TOP6BL: variants seen among roughly 807,000 people sequenced by gnomAD.
TOP6BL encodes type 2 DNA topoisomerase 6 subunit B-like.
chr11:66,794,170 A>G, the TOP6BL span, among the ~76,000 whole-genome samples: 2 of 149,748 alleles, frequency 1.3e-5, no homozygotes, highest in South Asian at 2.1e-4. Flanking sequence ...TTATCCTTCT[A>G]TATTTGCATG....
the TOP6BL span, chr11:66,838,274 G>T: frequency 9.6e-7 from 1 of 1,046,800 alleles, no homozygotes. Flanking sequence ...AGATAACCTT[G>T]TGAGGTCAGT....
At chr11:66,769,104 C>T in the TOP6BL span, among the ~76,000 whole-genome samples, 1 of 152,102 alleles carries the variant, frequency 6.6e-6, no homozygotes, top group South Asian at 2.1e-4. Context: ...GAGTTGTCTC[C>T]CTATAGTGGT....
chr11:66,772,223 A>G, the TOP6BL span, among the ~76,000 whole-genome samples: 4 of 152,200 alleles, frequency 2.6e-5, no homozygotes, highest in African/African-American at 9.7e-5. Flanking sequence ...GTTTCTTGCT[A>G]GTATTTGAAA....
the TOP6BL span, among the ~76,000 whole-genome samples, chr11:66,805,956 T>TA: frequency 2.0e-5 from 3 of 152,258 alleles, no homozygotes; most frequent in African/African-American, 4.8e-5. Flanking sequence ...TTCAGCAAGA[T>TA]AAAAAAACAT....
chr11:66,747,689 GC>G, the TOP6BL span, among the ~76,000 whole-genome samples: 1 of 152,072 alleles, frequency 6.6e-6, no homozygotes, highest in African/African-American at 2.4e-5. Flanking sequence ...CCTGATCAGG[GC>G]TCACTTCAGC....
the TOP6BL span, among the ~76,000 whole-genome samples, chr11:66,830,826 A>G: frequency 6.6e-6 from 1 of 152,234 alleles, no homozygotes; most frequent in Non-Finnish European, 1.5e-5. Flanking sequence ...AAGTACCCCT[A>G]TATACCTGAT....
the TOP6BL span, chr11:66,843,097 G>A: frequency 6.3e-7 from 1 of 1,591,814 alleles, no homozygotes; most frequent in Non-Finnish European, 8.5e-7. Flanking sequence ...GCGCAGGGAA[G>A]GGCTCAGCAG....
At chr11:66,838,683 T>C in the TOP6BL span, among the ~76,000 whole-genome samples, 1 of 152,076 alleles carries the variant, frequency 6.6e-6, no homozygotes, top group Admixed American at 6.5e-5. Context: ...TAGCTGCACA[T>C]GATGGGGTGG....
the TOP6BL span, among the ~76,000 whole-genome samples, chr11:66,786,581 A>G: frequency 6.6e-6 from 1 of 152,192 alleles, no homozygotes; most frequent in African/African-American, 2.4e-5. Flanking sequence ...AATTAGTAAG[A>G]TTTCTGAAGA....
chr11:66,746,801 G>T, the TOP6BL span, among the ~76,000 whole-genome samples: 2 of 151,862 alleles, frequency 1.3e-5, no homozygotes, highest in African/African-American at 4.8e-5. Context: ...ACCTGAGCCC[G>T]GGAGGTTGAG....
At chr11:66,768,220 A>G in the TOP6BL span, among the ~76,000 whole-genome samples, 201 of 152,086 alleles carry the variant, frequency 1.3e-3, no homozygotes, top group African/African-American at 4.7e-3. Flanking sequence ...AGAAACTCAC[A>G]ATGGTGAACT....
At chr11:66,788,242 G>C in the TOP6BL span, 1 of 1,613,152 alleles carries the variant, frequency 6.2e-7, no homozygotes. Flanking sequence ...ATATGACAGG[G>C]GTAACACCCT....
chr11:66,780,595 T>C, the TOP6BL span, among the ~76,000 whole-genome samples: 2 of 152,186 alleles, frequency 1.3e-5, no homozygotes, highest in Non-Finnish European at 2.9e-5. Flanking sequence ...TTTTATTTTT[T>C]TGGAGACAGA....
At chr11:66,810,506 GT>G in the TOP6BL span, among the ~76,000 whole-genome samples, 1 of 152,196 alleles carries the variant, frequency 6.6e-6, no homozygotes, top group Non-Finnish European at 1.5e-5. Flanking sequence ...TCTAAAGATG[GT>G]TTTGAGGTCT....
chr11:66,790,967 A>C, the TOP6BL span, among the ~76,000 whole-genome samples: 1 of 152,224 alleles, frequency 6.6e-6, no homozygotes, highest in Non-Finnish European at 1.5e-5. Context: ...CATTAGCCTC[A>C]AGGGAACAAG....
At chr11:66,763,508 C>T in the TOP6BL span, among the ~76,000 whole-genome samples, 1 of 152,074 alleles carries the variant, frequency 6.6e-6, no homozygotes, top group African/African-American at 2.4e-5. Flanking sequence ...TGAGGTCTCA[C>T]TATGTTGCCC....
the TOP6BL span, among the ~76,000 whole-genome samples, chr11:66,779,957 C>T: frequency 1.4e-5 from 2 of 139,878 alleles, no homozygotes; most frequent in African/African-American, 5.4e-5. Flanking sequence ...GGGAATTGAA[C>T]AATGAGAACA....
the TOP6BL span, among the ~76,000 whole-genome samples, chr11:66,817,457 G>C: frequency 6.6e-6 from 1 of 151,904 alleles, no homozygotes; most frequent in Non-Finnish European, 1.5e-5. Context: ...GATGATTTTT[G>C]AGACAGAGTC....
the TOP6BL span, chr11:66,843,003 G>T: frequency 6.4e-7 from 1 of 1,551,008 alleles, no homozygotes. Context: ...CTAGAGGAAG[G>T]GAGCACCGCG....
Sources: allele counts gnomAD v4.1 joint callset (sites outside exome capture counted in the v4.1 genomes callset), GRCh38; gene constraint gnomAD v4.1.1; transcripts MANE v1.5; gene names NCBI Gene and HGNC (gene_info 2026-07-23, HGNC 2026-07-21).